The following SYT16 variants were observed in gnomAD, a reference collection of about 807,000 sequenced individuals.
SYT16 encodes the protein synaptotagmin-16.
A neutral mutation model predicts 61.4 loss-of-function variants in SYT16; 42 were observed. That is an observed-to-expected ratio of 0.68 (90% CI 0.53 to 0.89). The LOEUF (loss-of-function observed/expected upper bound fraction) is 0.89. Among genes scored for constraint, SYT16 ranks in the 40% least tolerant of loss-of-function variants. The pLI, the probability that SYT16 is intolerant of heterozygous loss-of-function variation, is 0.00. For missense variants in SYT16, 804 were observed against 807.3 expected (o/e 1.00, Z 0.05); for synonymous variants, 314 against 302.3 (o/e 1.04, Z -0.40).
At position 61,892,190 on chromosome 14, in the gene SYT16, G is replaced by A. The variant is rs562834002; in HGVS notation, c.-324-77942G>A. Among the ~76,000 whole-genome samples the A allele has an allele frequency of 9.9e-5, 15 of 151,334 alleles. No homozygotes were observed. The East Asian group carries it at 1.2e-3, about 12-fold the overall frequency. On this transcript the variant is annotated intron_variant, in intron 1 of 7. Coordinates refer to ENST00000683842, the MANE Select transcript of SYT16 (RefSeq NM_001367656.1). ...CTCCCTTCTCTCTCGCTTCTTCCTC[G>A]CATCTTTCCCCTGACCCTCCGTCTC... is the stretch of plus-strand genomic sequence containing the variant.
At chr14:61,967,664 C>T (rs934452256) in intron 1 of SYT16, among the ~76,000 whole-genome samples, 1 of 152,104 alleles carries the variant, frequency 6.6e-6, no homozygotes, top group Admixed American at 6.6e-5. Context: ...AATTTAGGTG[C>T]TACCCTAATC....
chr14:61,920,410 T>A (rs1307988633), intron 1 of SYT16, among the ~76,000 whole-genome samples: 2 of 152,174 alleles, frequency 1.3e-5, no homozygotes, highest in Non-Finnish European at 2.9e-5. Flanking sequence ...TTTGTCCTAA[T>A]GCTCTCCCTC....
intron 1 of SYT16, among the ~76,000 whole-genome samples, chr14:61,826,187 C>T (rs2045766799): frequency 6.6e-6 from 1 of 151,918 alleles, no homozygotes; most frequent in Non-Finnish European, 1.5e-5. Context: ...GACAGGATGC[C>T]ATCCCATCTC....
chr14:61,900,228 G>A (rs2048465480), intron 1 of SYT16, among the ~76,000 whole-genome samples: 1 of 150,394 alleles, frequency 6.6e-6, no homozygotes, highest in Non-Finnish European at 1.5e-5. Context: ...GCGCAATCTC[G>A]GCTCACTGCA....
At position 62,111,296 on chromosome 14, in the gene SYT16, G is replaced by A. The variant is rs1002328599; in HGVS notation, c.*10589G>A. The A allele has an allele frequency of 2.0e-4, 30 of 152,046 alleles. No homozygotes were observed. The highest frequency in any genetic ancestry group is 7.2e-4 in the African/African-American group (30 of 41,434). 9.4% of individuals were successfully genotyped at this position (152,046 alleles called of 1,614,324 possible). ...AATGATTCATTCATTTTGAACATAT[G>A]TAACTATTTTAGGAGATTTTCAGGA... On this transcript the variant is annotated 3_prime_UTR_variant, in exon 8 of 8. Coordinates refer to ENST00000683842, the MANE Select transcript of SYT16 (RefSeq NM_001367656.1).
intron 1 of SYT16, among the ~76,000 whole-genome samples, chr14:61,931,715 A>G (rs1229029359): frequency 6.6e-6 from 1 of 152,082 alleles, no homozygotes; most frequent in Non-Finnish European, 1.5e-5. Context: ...TCTTTGCTGT[A>G]TCCGTGTGTA....
rs1455522207 is a variant in SYT16 at position 62,081,234 on chromosome 14, T to C, written c.1394T>C (p.Met465Thr). The C allele has an allele frequency of 3.1e-6, 5 of 1,613,892 alleles. No individual in the cohort carries two copies. In the African/African-American group the frequency reaches 5.3e-5, roughly 17 times the overall value. ...AGCCACCTGCACCCAGAAGGGGAAA[T>C]GAAAGTGACTCTGGTTCTGGAGCCA... ...YLSHLHPEGEMKVTLVLEPRS... is the reference protein window; with the variant it reads ...YLSHLHPEGETKVTLVLEPRS... The change falls in exon 6 of 8, where the codon ATG (methionine) becomes ACG (threonine). Residue 465 changes from methionine (M) to threonine (T), a missense_variant. Met to Thr is a moderately conservative substitution (Grantham distance 81). Transcript: ENST00000683842.
chr14:62,088,686 T>G (rs1202463988), intron 7 of SYT16, among the ~76,000 whole-genome samples: 1 of 152,130 alleles, frequency 6.6e-6, no homozygotes, highest in Non-Finnish European at 1.5e-5. Context: ...TTTTTAGCAT[T>G]GAAGAGCAAC....
intron 3 of SYT16, among the ~76,000 whole-genome samples, chr14:62,062,400 G>C (rs529843502): frequency 6.6e-6 from 1 of 151,776 alleles, no homozygotes; most frequent in African/African-American, 2.4e-5. Flanking sequence ...TTATGAAAAT[G>C]TAAAGCATAT....
chr14:61,970,792 G>A (rs1595049625), intron 2 of SYT16, among the ~76,000 whole-genome samples: 1 of 152,248 alleles, frequency 6.6e-6, no homozygotes, highest in South Asian at 2.1e-4. Flanking sequence ...TTGGCTTCCT[G>A]CTCTTAAAGG....
intron 4 of SYT16, among the ~76,000 whole-genome samples, chr14:62,072,713 T>A (rs568606239): frequency 6.6e-6 from 1 of 152,310 alleles, no homozygotes; most frequent in South Asian, 2.1e-4. Context: ...AATTGGCACC[T>A]ATAGTCTAGC....
In SYT16 at chr14:61,996,571, C is replaced by T. The variant is rs61743830; in HGVS notation, c.523+29C>T. 6.7e-5 allele frequency: 104 copies of T among 1,555,108 alleles called. 1 individual carries two copies. The African/African-American group carries it at 8.4e-4, about 13-fold the overall frequency. On this transcript the variant is annotated intron_variant, in intron 3 of 7. Transcript: ENST00000683842. Reference sequence around the variant, plus strand: ...AGCTAGCCAGTCATCATTTTCTCTGCGTTCCTCCAAAGAGCATTTCTACTT... The same window carrying T: ...AGCTAGCCAGTCATCATTTTCTCTGTGTTCCTCCAAAGAGCATTTCTACTT...
At chr14:61,813,010 G>A (rs374516678) in intron 1 of SYT16, among the ~76,000 whole-genome samples, 200 bp downstream of exon 1, 2 of 152,254 alleles carry the variant, frequency 1.3e-5, no homozygotes, top group South Asian at 2.1e-4. Context: ...GGATGTGGCA[G>A]AAGGGCGTGC....
At chr14:62,052,475 T>C (rs2055353104) in intron 3 of SYT16, among the ~76,000 whole-genome samples, 1 of 152,262 alleles carries the variant, frequency 6.6e-6, no homozygotes, top group Non-Finnish European at 1.5e-5. Context: ...ATAGGCCTAA[T>C]TTTTGTAAAT....
chr14:62,058,826 T>C (rs999244475), intron 3 of SYT16, among the ~76,000 whole-genome samples: 1 of 152,160 alleles, frequency 6.6e-6, no homozygotes, highest in Non-Finnish European at 1.5e-5. Flanking sequence ...AGCCTAAATG[T>C]CCATCAGTGG....
intron 1 of SYT16, among the ~76,000 whole-genome samples, chr14:61,833,249 C>T (rs1284185542): frequency 6.6e-6 from 1 of 151,152 alleles, no homozygotes; most frequent in East Asian, 1.9e-4. Context: ...TGTGCAAGTC[C>T]TAGATTTCTA....
At chr14:62,024,146 T>C (rs1029117691) in intron 3 of SYT16, among the ~76,000 whole-genome samples, 4 of 152,116 alleles carry the variant, frequency 2.6e-5, no homozygotes, top group Non-Finnish European at 5.9e-5. Flanking sequence ...AACTGTTGAC[T>C]TAATGAAAAA....
chr14:62,056,047 T>G (rs1474310667), intron 3 of SYT16, among the ~76,000 whole-genome samples: 1 of 150,928 alleles, frequency 6.6e-6, no homozygotes, highest in East Asian at 1.9e-4. Flanking sequence ...TTCCACGTTC[T>G]TCTCCCTGCT....
At chr14:62,093,167 A>C (rs1188797500) in intron 7 of SYT16, among the ~76,000 whole-genome samples, 1 of 152,150 alleles carries the variant, frequency 6.6e-6, no homozygotes, top group African/African-American at 2.4e-5. Context: ...AAGAGATTTA[A>C]AAATAGAAGA....
Sources: gnomAD v4.1 joint callset for allele counts (sites outside exome capture counted in the v4.1 genomes callset) on GRCh38, gnomAD v4.1.1 for gene constraint, MANE v1.5 for transcripts, NCBI Gene and HGNC (gene_info 2026-07-23, HGNC 2026-07-21) for gene names.